Variants in EMCN observed in about 807,000 individuals in gnomAD.
The protein encoded by EMCN is endomucin, also known as MUC-14.
In EMCN, 37 loss-of-function variants were observed where a neutral mutation model predicts 38.4. The ratio of observed to expected loss-of-function variants is 0.96; its 90% CI spans 0.74 to 1.27. The LOEUF is 1.27. EMCN is among the 50% of genes most tolerant of loss of function. The pLI is 0.00. For missense variants in EMCN, 318 were observed against 302.8 expected (o/e 1.05, Z -0.37); for synonymous variants, 95 against 100.8 (o/e 0.94, Z 0.35).
At chr4:100,464,354 C>A (rs987651183) in intron 4 of EMCN, among the ~76,000 whole-genome samples, 1 of 151,906 alleles carries the variant, frequency 6.6e-6, no homozygotes, top group African/African-American at 2.4e-5. Context: ...TGCTTTATTT[C>A]TTCCTTTTCA....
At chr4:100,416,368 G>T (rs1325636704) in intron 9 of EMCN, among the ~76,000 whole-genome samples, 1 of 152,060 alleles carries the variant, frequency 6.6e-6, no homozygotes, top group African/African-American at 2.4e-5. Flanking sequence ...AGCCTTTTGG[G>T]CTTAGGCTGA....
chr4:100,469,114 C>G (rs1409193113), intron 3 of EMCN, among the ~76,000 whole-genome samples: 2 of 151,980 alleles, frequency 1.3e-5, no homozygotes, highest in Non-Finnish European at 2.9e-5. Flanking sequence ...AACAAGGGCA[C>G]CAAGAGGTTA....
chr4:100,440,145 G>T (rs1350779239), intron 5 of EMCN, among the ~76,000 whole-genome samples: 1 of 151,952 alleles, frequency 6.6e-6, no homozygotes, highest in Non-Finnish European at 1.5e-5. Context: ...AGGTCTAATG[G>T]GTGAAAAGTG....
intron 3 of EMCN, among the ~76,000 whole-genome samples, chr4:100,473,008 A>ATT: frequency 1.7e-5 from 2 of 117,116 alleles, no homozygotes; most frequent in South Asian, 3.5e-4. Context: ...ATATATATAT[A>ATT]TTATATATAT....
chr4:100,491,492 C>T (rs750743227), intron 1 of EMCN, among the ~76,000 whole-genome samples: 2 of 152,126 alleles, frequency 1.3e-5, no homozygotes, highest in Non-Finnish European at 2.9e-5. Flanking sequence ...CTAAAAGCCC[C>T]CCTGCCTCAA....
intron 4 of EMCN, among the ~76,000 whole-genome samples, chr4:100,458,136 C>T (rs1474803462): frequency 6.6e-6 from 1 of 151,906 alleles, no homozygotes; most frequent in Non-Finnish European, 1.5e-5. Context: ...GTGTTTCCTT[C>T]TCTTTATTTT....
chr4:100,408,467 G>A lies in EMCN; in HGVS notation c.*39+1815C>T, dbSNP rs183427379. 1.4e-3 allele frequency among the ~76,000 whole-genome samples: 210 copies of A among 152,272 alleles called. 1 individual carries two copies. Among genetic ancestry groups the A allele is most frequent in the African/African-American group, 4.8e-3 (200 of 41,556 alleles). Reference sequence around the variant, plus strand: ...TATTTGCAGTTGAGTTCTTGTCCTTGGTTTTACAGAGGAGTATATTACCAA... The same window carrying A: ...TATTTGCAGTTGAGTTCTTGTCCTTAGTTTTACAGAGGAGTATATTACCAA... On this transcript the variant is annotated intron_variant, in intron 11 of 11. Coordinates refer to ENST00000296420, the MANE Select transcript of EMCN (RefSeq NM_016242.4).
intron 11 of EMCN, among the ~76,000 whole-genome samples, chr4:100,405,477 C>A (rs1016162210): frequency 7.9e-5 from 12 of 152,184 alleles, no homozygotes; most frequent in African/African-American, 2.6e-4. Context: ...TTAAGATGAT[C>A]ATGCAATTTT....
intron 10 of EMCN, among the ~76,000 whole-genome samples, chr4:100,411,703 C>T (rs1726566320): frequency 6.6e-6 from 1 of 151,820 alleles, no homozygotes. Flanking sequence ...TTTCATTATG[C>T]ATAATCTGGT....
chr4:100,423,722 T>C (rs1464128950), intron 5 of EMCN, among the ~76,000 whole-genome samples: 1 of 152,160 alleles, frequency 6.6e-6, no homozygotes, highest in African/African-American at 2.4e-5. Flanking sequence ...TGTAAATCTA[T>C]GCAAAAGCAT....
chr4:100,419,012 C>T (rs2043352), intron 8 of EMCN, among the ~76,000 whole-genome samples: 130,276 of 152,112 alleles, frequency 0.86, 56,250 homozygotes, highest in South Asian at 0.96. Context: ...CCACCCACAG[C>T]GTACGAGGTT....
rs1471561727 is a variant in EMCN, at chr4:100,396,080, T to C, written c.*2333A>G. The C allele has an allele frequency of 6.6e-6, 1 of 152,154 alleles. No homozygotes were observed. Among genetic ancestry groups the C allele is most frequent in the Non-Finnish European group, 1.5e-5 (1 of 68,028 alleles). 9.4% of individuals were successfully genotyped at this position (152,154 alleles called of 1,614,324 possible). A position where few individuals can be genotyped will look rare whatever the true frequency, so the allele number is the denominator to read the frequency against. Reference sequence around the variant, plus strand: ...TCTAAATCAGATAATTAAAACATATTTGATTAATGGTAATTTTGGCTTGAA... The same window carrying C: ...TCTAAATCAGATAATTAAAACATATCTGATTAATGGTAATTTTGGCTTGAA... On this transcript the variant is annotated 3_prime_UTR_variant, in exon 12 of 12. Transcript: ENST00000296420.
At chr4:100,424,050 G>C (rs1308316443) in intron 5 of EMCN, among the ~76,000 whole-genome samples, 1 of 151,266 alleles carries the variant, frequency 6.6e-6, no homozygotes, top group African/African-American at 2.4e-5. Context: ...TATTGTTATC[G>C]TTATTTGTTT....
chr4:100,516,330 A>T (rs1244861436), intron 1 of EMCN, among the ~76,000 whole-genome samples: 1 of 152,062 alleles, frequency 6.6e-6, no homozygotes. Flanking sequence ...AGAACGAATG[A>T]TCTATTCAGA....
intron 1 of EMCN, among the ~76,000 whole-genome samples, chr4:100,492,744 C>A (rs1467068913): frequency 6.6e-6 from 1 of 152,076 alleles, no homozygotes; most frequent in East Asian, 1.9e-4. Context: ...ATATATATAT[C>A]CAATGTCCTT....
At chr4:100,482,963 T>G (rs1324472856) in intron 1 of EMCN, among the ~76,000 whole-genome samples, 1 of 152,148 alleles carries the variant, frequency 6.6e-6, no homozygotes, top group African/African-American at 2.4e-5. Flanking sequence ...ACTGTAAGGC[T>G]TTTCCTCCTC....
intron 1 of EMCN, among the ~76,000 whole-genome samples, chr4:100,504,102 T>C (rs1238084946): frequency 6.6e-6 from 1 of 152,210 alleles, no homozygotes; most frequent in East Asian, 1.9e-4. Flanking sequence ...AGAGAATTAT[T>C]TGAGAAGAGG....
At chr4:100,402,238 A>G (rs1355616226) in intron 11 of EMCN, among the ~76,000 whole-genome samples, 1 of 152,162 alleles carries the variant, frequency 6.6e-6, no homozygotes, top group Non-Finnish European at 1.5e-5. Context: ...CACATTAAAC[A>G]TAATACTGTG....
chr4:100,502,735 T>G (rs1032014180), intron 1 of EMCN, among the ~76,000 whole-genome samples: 1 of 152,210 alleles, frequency 6.6e-6, no homozygotes, highest in African/African-American at 2.4e-5. Flanking sequence ...GCTGCTCTAT[T>G]AGATTAGGAA....
Sources: allele counts gnomAD v4.1 joint callset (sites outside exome capture counted in the v4.1 genomes callset), GRCh38; gene constraint gnomAD v4.1.1; transcripts MANE v1.5; gene names NCBI Gene and HGNC (gene_info 2026-07-23, HGNC 2026-07-21).